TTC4: variants seen among roughly 807,000 people sequenced by gnomAD.
TTC4 encodes the protein tetratricopeptide repeat domain 4.
TTC4 carries 36 observed loss-of-function variants against 51.9 expected under a neutral mutation model. The ratio of observed to expected loss-of-function variants is 0.69; its 90% CI spans 0.53 to 0.92. TTC4 has a LOEUF of 0.92. Among genes scored for constraint, TTC4 ranks in the 40% least tolerant of loss-of-function variants. The probability of loss-of-function intolerance (pLI) is 0.00; values close to 1 mark genes in which losing one functional copy is unlikely to be tolerated. For missense variants in TTC4, 399 were observed against 454.6 expected (o/e 0.88, Z 1.11); for synonymous variants, 144 against 164.2 (o/e 0.88, Z 0.94).
intron 3 of TTC4, among the ~76,000 whole-genome samples, chr1:54,720,129 T>G (rs1645725712): frequency 6.6e-6 from 1 of 152,134 alleles, no homozygotes. Context: ...CTTGAACTCC[T>G]GGTCTTAAGC....
chr1:54,732,617 T>C lies in TTC4; in HGVS notation c.896+917T>C, dbSNP rs1193590068. ...GGGACTACAGGTGAACATCACCACA[T>C]CTGGGTAATTTTTTAATTCTTTGGT... On this transcript the variant is annotated intron_variant, in intron 7 of 9. Coordinates refer to ENST00000371281, the MANE Select transcript of TTC4 (RefSeq NM_004623.5). 3.3e-5 allele frequency among the ~76,000 whole-genome samples: 5 copies of C among 151,760 alleles called. No homozygotes were observed. In the East Asian group the frequency reaches 1.0e-3, roughly 31 times the overall value.
At chr1:54,717,679 A>G (rs186999773) in intron 3 of TTC4, 26 bp downstream of exon 3, 714 of 1,497,568 alleles carry the variant, frequency 4.8e-4, no homozygotes, top group Non-Finnish European at 6.2e-4. Flanking sequence ...TTTCTGAAGA[A>G]TAAACTTATG....
intron 4 of TTC4, 57 bp downstream of exon 4, chr1:54,721,297 A>T (rs1181215480): frequency 6.4e-7 from 1 of 1,557,722 alleles, no homozygotes; most frequent in African/African-American, 1.4e-5. Context: ...AGGTGCTAGG[A>T]TACTAATAAA....
At chr1:54,740,431 T>G (rs1645998251) in intron 9 of TTC4, among the ~76,000 whole-genome samples, 1 of 152,178 alleles carries the variant, frequency 6.6e-6, no homozygotes, top group Non-Finnish European at 1.5e-5. Context: ...CTTCTTCTAG[T>G]TTTTGGACAC....
chr1:54,718,427 T>G (rs1392133414), intron 3 of TTC4, among the ~76,000 whole-genome samples: 1 of 152,180 alleles, frequency 6.6e-6, no homozygotes, highest in African/African-American at 2.4e-5. Context: ...ATTACATTTT[T>G]TTGTAGAGAC....
chr1:54,723,811 G>A (rs1352075698), intron 5 of TTC4, among the ~76,000 whole-genome samples: 1 of 152,172 alleles, frequency 6.6e-6, no homozygotes, highest in Non-Finnish European at 1.5e-5. Flanking sequence ...GGGTAGTGAT[G>A]GTATTCTGTT....
intron 9 of TTC4, 73 bp from the exon 10 acceptor site, chr1:54,741,338 T>A (rs1322025943): frequency 5.6e-6 from 7 of 1,241,678 alleles, no homozygotes; most frequent in Non-Finnish European, 8.3e-6. Flanking sequence ...ACCTTGCATG[T>A]TGTTAGGAAG....
chr1:54,721,648 C>T (rs1161086592), intron 4 of TTC4, among the ~76,000 whole-genome samples: 2 of 152,160 alleles, frequency 1.3e-5, no homozygotes, highest in African/African-American at 4.8e-5. Flanking sequence ...TCTGACCTTT[C>T]TATGTAATAA....
Position 54,722,698 on chromosome 1 carries a change from A to C in TTC4, c.493A>C (p.Lys165Gln), listed in dbSNP as rs768613475. 39 of 1,613,862 alleles carry C rather than the reference A, an allele frequency of 2.4e-5. No individual in the cohort carries two copies. Among genetic ancestry groups the C allele is most frequent in the Non-Finnish European group, 3.3e-5 (39 of 1,179,822 alleles). Residue 165 changes from lysine (K) to glutamine (Q), a missense_variant, in exon 5 of 10, where the codon AAA (lysine) becomes CAA (glutamine). By Grantham distance (53) the Lys-to-Gln change is moderately conservative (BLOSUM62 1). Around this residue, in one of 3 missense-constraint regions of TTC4, gnomAD observed 316 missense variants for 349.6 expected, o/e 0.90. Coordinates refer to ENST00000371281, the MANE Select transcript of TTC4 (RefSeq NM_004623.5). ...AGGTGCCTTATGCCATCTGGAACTG[A>C]AACACTTTGCCGAGGCCGTGAACTG... ...IRGALCHLELKHFAEAVNWCD... is the reference protein window; with the variant it reads ...IRGALCHLELQHFAEAVNWCD...
intron 6 of TTC4, among the ~76,000 whole-genome samples, chr1:54,730,191 C>T (rs1052473254): frequency 2.0e-5 from 3 of 151,974 alleles, no homozygotes; most frequent in Admixed American, 6.6e-5. Flanking sequence ...CCAGATTTTC[C>T]ATCTAATTCT....
chr1:54,716,544 T>C (rs1645678389), intron 1 of TTC4, 56 bp from the exon 2 acceptor site: 1 of 1,390,256 alleles, frequency 7.2e-7, no homozygotes, highest in South Asian at 1.3e-5. Flanking sequence ...AGTCATGGAA[T>C]TGGATCTGCT....
At chr1:54,731,769 G>C in intron 7 of TTC4, 69 bp downstream of exon 7, 1 of 1,487,282 alleles carries the variant, frequency 6.7e-7, no homozygotes, top group Non-Finnish European at 9.2e-7. Flanking sequence ...CAGGAGGGAC[G>C]AGTGGATTTT....
chr1:54,738,942 C>A (rs1055174013), intron 9 of TTC4, among the ~76,000 whole-genome samples: 2 of 151,776 alleles, frequency 1.3e-5, no homozygotes, highest in Non-Finnish European at 2.9e-5. Flanking sequence ...GGATTACAGG[C>A]GAGCCACTGC....
At chr1:54,721,973 C>A (rs938696671) in intron 4 of TTC4, among the ~76,000 whole-genome samples, 1 of 152,118 alleles carries the variant, frequency 6.6e-6, no homozygotes, top group Admixed American at 6.5e-5. Flanking sequence ...TACAATGTGA[C>A]CTTGGCAAGA....
chr1:54,719,646 G>A (rs535138743), intron 3 of TTC4, among the ~76,000 whole-genome samples: 1 of 152,210 alleles, frequency 6.6e-6, no homozygotes, highest in East Asian at 1.9e-4. Flanking sequence ...AATCATTTCT[G>A]AATGTTATTT....
intron 6 of TTC4, among the ~76,000 whole-genome samples, chr1:54,730,808 A>C (rs1435360891): frequency 5.1e-5 from 6 of 117,170 alleles, no homozygotes; most frequent in Admixed American, 5.0e-4. Flanking sequence ...TTTTTTTTTT[A>C]TCTTTTCTGT....
Position 54,715,875 on chromosome 1 carries a change from G to T in TTC4, c.-34G>T. The T allele has an allele frequency of 6.5e-7, 1 of 1,548,276 alleles. No individual in the cohort carries two copies. The highest frequency in any genetic ancestry group is 1.4e-5 in the African/African-American group (1 of 73,126). Reference sequence around the variant, plus strand: ...CGGAAGGAGCCGCTCGCTTCACGGCGCTGGGACCCGGGCTGGAAGGCAGGG... The same window carrying T: ...CGGAAGGAGCCGCTCGCTTCACGGCTCTGGGACCCGGGCTGGAAGGCAGGG... On this transcript the variant is annotated 5_prime_UTR_variant, in exon 1 of 10. Transcript: ENST00000371281.
intron 6 of TTC4, among the ~76,000 whole-genome samples, chr1:54,729,791 T>G (rs960399740): frequency 1.3e-5 from 2 of 151,676 alleles, no homozygotes; most frequent in African/African-American, 4.8e-5. Flanking sequence ...TGGTGCAATC[T>G]CGGCTCACTG....
At chr1:54,737,721 T>C in intron 9 of TTC4, 57 bp downstream of exon 9, 1 of 1,518,300 alleles carries the variant, frequency 6.6e-7, no homozygotes, top group South Asian at 1.1e-5. Flanking sequence ...TATTAGTCCA[T>C]TTTCACACTG....
Sources: allele counts gnomAD v4.1 joint callset (sites outside exome capture counted in the v4.1 genomes callset), GRCh38; gene constraint gnomAD v4.1.1; regional missense constraint gnomAD v4.1.1; transcripts MANE v1.5; gene names NCBI Gene and HGNC (gene_info 2026-07-23, HGNC 2026-07-21).